The following TACC2 variants were observed in gnomAD, a reference collection of about 807,000 sequenced individuals.
The protein encoded by TACC2 is transforming acidic coiled-coil-containing protein 2.
TACC2 carries 137 observed loss-of-function variants against 227.3 expected under a neutral mutation model. That is an observed-to-expected ratio of 0.60 (90% CI 0.52 to 0.69). The LOEUF is 0.69. TACC2 is among the 30% of genes least tolerant of loss of function. The pLI, the probability that TACC2 is intolerant of heterozygous loss-of-function variation, is 0.00. For synonymous variants in TACC2, 1,523 were observed against 1,487.5 expected (o/e 1.02, Z -0.55); for missense variants, 3,470 against 3,694.4 (o/e 0.94, Z 1.57).
chr10:122,150,687 C>T lies in TACC2; in HGVS notation c.5834+6981C>T, dbSNP rs935905603. Among the ~76,000 whole-genome samples the T allele has an allele frequency of 3.3e-5, 5 of 152,180 alleles. No homozygotes were observed. Among genetic ancestry groups the T allele is most frequent in the African/African-American group, 1.2e-4 (5 of 41,456 alleles). On this transcript the variant is annotated intron_variant, in intron 7 of 22. Transcript: ENST00000369005. This position sits in a 1 kb window ranked among gnomAD's most constrained non-coding sequence, Gnocchi z 4.0. ...GGATATGGTACGAGCATGTGCGGCT[C>T]AGGACCCCACCATGCCCGAGTGCCT...
At chr10:122,094,012 G>A (rs2081109702) in intron 5 of TACC2, among the ~76,000 whole-genome samples, 1 of 152,050 alleles carries the variant, frequency 6.6e-6, no homozygotes, top group Admixed American at 6.5e-5. Context: ...GTCAAGCTGG[G>A]GGCTCCACGA....
At chr10:122,192,855 C>G (rs2094454955) in intron 7 of TACC2, 2 of 434,308 alleles carry the variant, frequency 4.6e-6, no homozygotes, top group Admixed American at 4.8e-5. Context: ...TGCTGGGGGC[C>G]TGGTGAGGAA....
intron 1 of TACC2, among the ~76,000 whole-genome samples, chr10:122,016,679 G>A (rs943808612): frequency 6.6e-6 from 1 of 152,178 alleles, no homozygotes; most frequent in Admixed American, 6.5e-5. Context: ...GCACTGTGGG[G>A]TGTCATTGCC....
At chr10:122,065,682 T>C (rs1317154151) in intron 3 of TACC2, among the ~76,000 whole-genome samples, 50 of 152,224 alleles carry the variant, frequency 3.3e-4, no homozygotes, top group Non-Finnish European at 8.8e-5. Flanking sequence ...TATCCACTTG[T>C]TCAATTATTG....
At chr10:122,249,730 C>A in intron 22 of TACC2, 66 bp downstream of exon 22, 7 of 1,536,922 alleles carry the variant, frequency 4.6e-6, no homozygotes, top group Non-Finnish European at 6.2e-6. Context: ...CTGGCCAGTC[C>A]AGCTAGACAG....
intron 5 of TACC2, among the ~76,000 whole-genome samples, chr10:122,129,197 C>T (rs1311988457): frequency 6.6e-6 from 1 of 151,928 alleles, no homozygotes; most frequent in East Asian, 1.9e-4. Context: ...TCTCCTGCCT[C>T]AGGTGCCCAC....
At chr10:122,074,634 A>G (rs1300905567) in intron 3 of TACC2, among the ~76,000 whole-genome samples, 1 of 152,148 alleles carries the variant, frequency 6.6e-6, no homozygotes, top group Non-Finnish European at 1.5e-5. Flanking sequence ...TGGGTCAAAT[A>G]CAGGGATTAG....
intron 7 of TACC2, among the ~76,000 whole-genome samples, chr10:122,168,050 CT>C (rs57366476): frequency 1.0e-3 from 136 of 131,740 alleles, no homozygotes; most frequent in Middle Eastern, 7.8e-3. Context: ...CCATGCCCAG[CT>C]TTTTTTTTTT....
chr10:122,170,020 G>C (rs1468697500), intron 7 of TACC2, among the ~76,000 whole-genome samples: 2 of 152,150 alleles, frequency 1.3e-5, no homozygotes, highest in Non-Finnish European at 2.9e-5. Flanking sequence ...CAAAATGCTA[G>C]GATTACAGGC....
At chr10:122,040,266 GCA>G in intron 2 of TACC2, among the ~76,000 whole-genome samples, 1 of 152,184 alleles carries the variant, frequency 6.6e-6, no homozygotes, top group Non-Finnish European at 1.5e-5. Context: ...GCCAAGGGGG[GCA>G]TCACCTGTTC....
chr10:122,032,849 C>A (rs917180773), intron 2 of TACC2, among the ~76,000 whole-genome samples: 10 of 152,198 alleles, frequency 6.6e-5, no homozygotes, highest in African/African-American at 2.4e-4. Flanking sequence ...ATCCCAGCAA[C>A]TTGGGAGGCT....
chr10:122,152,771 C>T (rs1431041019), intron 7 of TACC2, among the ~76,000 whole-genome samples: 1 of 152,192 alleles, frequency 6.6e-6, no homozygotes, highest in African/African-American at 2.4e-5. Flanking sequence ...AGAACGCTGA[C>T]TGTTGCAGCA....
At chr10:122,020,268 T>G (rs192711274) in intron 1 of TACC2, among the ~76,000 whole-genome samples, 37 of 152,116 alleles carry the variant, frequency 2.4e-4, no homozygotes, top group Admixed American at 5.9e-4. Context: ...TGGAAGTGAT[T>G]AATTTTAAAT....
intron 1 of TACC2, among the ~76,000 whole-genome samples, chr10:122,020,746 T>C (rs1382104261): frequency 1.3e-5 from 2 of 152,218 alleles, no homozygotes; most frequent in South Asian, 2.1e-4. Flanking sequence ...AGACTGGTCA[T>C]CTCTACGGCT....
At chr10:122,189,211 T>C (rs190263474) in intron 7 of TACC2, among the ~76,000 whole-genome samples, 29 of 152,254 alleles carry the variant, frequency 1.9e-4, no homozygotes, top group Non-Finnish European at 3.5e-4. Context: ...TTGGCAAGAC[T>C]ATCTGAAGGT....
chr10:122,118,270 C>G (rs2085096749), intron 5 of TACC2, among the ~76,000 whole-genome samples: 1 of 152,150 alleles, frequency 6.6e-6, no homozygotes, highest in Non-Finnish European at 1.5e-5. Context: ...CCGCCTCGGC[C>G]TCCCAAAGTG....
rs1238755656 is a variant in TACC2, at chr10:122,175,685, T to C, written c.5835-19355T>C. ...TGTAGGGGTGACCAGGTACGGACTT[T>C]CCTGGAGACTGTCTGAATTGTCTAC... On this transcript the variant is annotated intron_variant, in intron 7 of 22. Coordinates refer to ENST00000369005, the MANE Select transcript of TACC2 (RefSeq NM_206862.4). Among the ~76,000 whole-genome samples, 5 of 152,250 alleles carry C rather than the reference T, an allele frequency of 3.3e-5. No individual in the cohort carries two copies. In the East Asian group the frequency reaches 5.8e-4, roughly 18 times the overall value.
Position 122,164,169 on chromosome 10 carries a change from C to T in TACC2, c.5834+20463C>T, listed in dbSNP as rs117389503. Among the ~76,000 whole-genome samples the T allele has an allele frequency of 7.0e-4, 107 of 152,296 alleles. 1 individual carries two copies. The East Asian group carries it at 0.018, about 26-fold the overall frequency. On this transcript the variant is annotated intron_variant, in intron 7 of 22. Transcript: ENST00000369005. ...GCTCTGGGAGGAGCATCTGGTAGCCCCAAGTTACTGCTGTGGGCAGAAACG... is the reference window on the plus strand; with the variant it reads ...GCTCTGGGAGGAGCATCTGGTAGCCTCAAGTTACTGCTGTGGGCAGAAACG...
At chr10:121,998,530 T>C (rs1349530739) in intron 1 of TACC2, among the ~76,000 whole-genome samples, 1 of 152,108 alleles carries the variant, frequency 6.6e-6, no homozygotes, top group African/African-American at 2.4e-5. Context: ...CAGGAGCAAC[T>C]CAAGATAGCC....
Sources: gnomAD v4.1 joint callset for allele counts (sites outside exome capture counted in the v4.1 genomes callset) on GRCh38, gnomAD v4.1.1 for gene constraint, Gnocchi (gnomAD v3.1) non-coding constraint, MANE v1.5 for transcripts, NCBI Gene and HGNC (gene_info 2026-07-23, HGNC 2026-07-21) for gene names.